The following PCDH11X variants were observed in gnomAD, a reference collection of about 807,000 sequenced individuals.
PCDH11X encodes protocadherin-11 X-linked.
In PCDH11X, 18 loss-of-function variants were observed where a neutral mutation model predicts 53.3. That is an observed-to-expected ratio of 0.34 (90% CI 0.23 to 0.50). The LOEUF (loss-of-function observed/expected upper bound fraction) is 0.50, where lower values mean the gene tolerates loss of function less well. PCDH11X is among the 20% of genes least tolerant of loss of function. The pLI, the probability that PCDH11X is intolerant of heterozygous loss-of-function variation, is 0.98. For synonymous variants in PCDH11X, 279 were observed against 393.3 expected, an observed-to-expected ratio of 0.71 and a Z score of 3.44; for missense variants, 570 against 1,032.4, an observed-to-expected ratio of 0.55 and a Z score of 6.14.
intron 10 of PCDH11X, among the ~76,000 whole-genome samples, chrX:92,607,404 A>G (rs1926934075): frequency 8.9e-6 from 1 of 111,771 alleles, no homozygotes; most frequent in Non-Finnish European, 1.9e-5. Flanking sequence ...CATTTCTATT[A>G]TATGTACAGT....
At chrX:91,945,723 G>T (rs1234512908) in intron 6 of PCDH11X, among the ~76,000 whole-genome samples, 1 of 108,893 alleles carries the variant, frequency 9.2e-6, no homozygotes, top group African/African-American at 3.3e-5. Flanking sequence ...TGCAAAGAAA[G>T]AATTATAGTA....
At chrX:92,357,735 G>C (rs1336760225) in intron 8 of PCDH11X, among the ~76,000 whole-genome samples, 1 of 110,934 alleles carries the variant, frequency 9.0e-6, no homozygotes, top group African/African-American at 3.3e-5. Flanking sequence ...TGTTATAGGA[G>C]GCTAAACAAA....
intron 6 of PCDH11X, among the ~76,000 whole-genome samples, chrX:92,040,082 CCTCTTTA>C (rs1312282318): frequency 2.8e-5 from 3 of 106,474 alleles, no homozygotes; most frequent in African/African-American, 1.0e-4. Flanking sequence ...AAGGCAAAGT[CCTCTTTA>C]CTCTTTGCTC....
intron 1 of PCDH11X, among the ~76,000 whole-genome samples, chrX:91,794,982 T>C (rs1161278801): frequency 9.2e-6 from 1 of 108,308 alleles, no homozygotes; most frequent in Non-Finnish European, 1.9e-5. Context: ...CTGCCATCTA[T>C]ATAAGATGTG....
At chrX:92,270,228 G>A (rs2067924852) in intron 8 of PCDH11X, among the ~76,000 whole-genome samples, 1 of 108,881 alleles carries the variant, frequency 9.2e-6, no homozygotes, top group Non-Finnish European at 1.9e-5. Context: ...CTTGCGTCAG[G>A]CTCCTGTTCC....
chrX:92,243,010 A>T (rs950501920), intron 7 of PCDH11X, among the ~76,000 whole-genome samples: 3 of 110,097 alleles, frequency 2.7e-5, no homozygotes, highest in South Asian at 7.6e-4. Context: ...TGTAGATATT[A>T]TTCCTTTTTT....
chrX:92,103,096 G>A (rs1418813884), intron 6 of PCDH11X, among the ~76,000 whole-genome samples: 10 of 110,374 alleles, frequency 9.1e-5, no homozygotes, highest in African/African-American at 3.3e-4. Context: ...GGGTTAAGGT[G>A]GGGGGATATG....
intron 7 of PCDH11X, among the ~76,000 whole-genome samples, chrX:92,257,764 C>G (rs1234758335): frequency 1.8e-5 from 2 of 112,699 alleles, no homozygotes; most frequent in Non-Finnish European, 3.7e-5. Flanking sequence ...TTGGGCGGAT[C>G]TGCCCCTGTG....
At chrX:91,921,782 T>C (rs1421535199) in intron 6 of PCDH11X, among the ~76,000 whole-genome samples, 1 of 108,992 alleles carries the variant, frequency 9.2e-6, no homozygotes, top group Non-Finnish European at 1.9e-5. Context: ...TGCTTGCTGG[T>C]TTTGTGTAAA....
At chrX:92,435,440 C>G (rs1319531901) in intron 9 of PCDH11X, among the ~76,000 whole-genome samples, 1 of 109,723 alleles carries the variant, frequency 9.1e-6, no homozygotes, top group Non-Finnish European at 1.9e-5. Flanking sequence ...TACAGAGAAC[C>G]CCTAAAAAAT....
chrX:92,329,361 G>A (rs1483838610), intron 8 of PCDH11X, among the ~76,000 whole-genome samples: 6 of 111,099 alleles, frequency 5.4e-5, no homozygotes, highest in African/African-American at 2.0e-4. Flanking sequence ...TTTTACTTAA[G>A]GATCAGGAAC....
chrX:92,560,666 C>T (rs774902543), intron 10 of PCDH11X, among the ~76,000 whole-genome samples: 26 of 109,944 alleles, frequency 2.4e-4, no homozygotes, highest in Admixed American at 6.8e-4. Context: ...CATGAACTGG[C>T]GGTGGTTATG....
chrX:92,303,009 C>T (rs1275628005), intron 8 of PCDH11X, among the ~76,000 whole-genome samples: 1 of 106,814 alleles, frequency 9.4e-6, no homozygotes, highest in African/African-American at 3.4e-5. Flanking sequence ...GAAACAAACT[C>T]GAAGCAGAAT....
intron 4 of PCDH11X, among the ~76,000 whole-genome samples, chrX:91,824,186 G>A (rs1263093199): frequency 9.0e-6 from 1 of 110,734 alleles, no homozygotes; most frequent in Non-Finnish European, 1.9e-5. Context: ...TATCTTTGTG[G>A]CGTTCTCTGT....
chrX:92,057,984 T>C lies in PCDH11X; in HGVS notation c.3034-143391T>C, dbSNP rs763661414. On this transcript the variant is annotated intron_variant, in intron 6 of 10. Transcript: ENST00000682573. ...CCTTTAATTTCTTCCCTTTCTATGT[T>C]GCTCTTCTCACTTTATTGTCCATCT... 8.9e-4 allele frequency among the ~76,000 whole-genome samples: 83 copies of C among 93,107 alleles called. 2 individuals carry two copies. The highest frequency in any genetic ancestry group is 4.1e-3 in the African/African-American group (80 of 19,618). The allele number at this position is 93,107 out of a possible 115,157, so 80.9% of individuals were successfully genotyped here.
At chrX:92,118,984 G>A (rs962857127) in intron 6 of PCDH11X, among the ~76,000 whole-genome samples, 12 of 109,670 alleles carry the variant, frequency 1.1e-4, no homozygotes, top group African/African-American at 2.0e-4. Flanking sequence ...CTCGTGATCC[G>A]CCCTCCTCAG....
intron 6 of PCDH11X, among the ~76,000 whole-genome samples, chrX:92,115,281 A>C (rs1332345979): frequency 9.0e-6 from 1 of 110,983 alleles, no homozygotes. Context: ...TGGGCATTCA[A>C]TAAATATGTG....
In PCDH11X at chrX:92,105,389, A is replaced by T. The variant is rs187921314; in HGVS notation, c.3034-95986A>T. On this transcript the variant is annotated intron_variant, in intron 6 of 10. Coordinates refer to ENST00000682573, the MANE Select transcript of PCDH11X (RefSeq NM_032968.5). ...GGAGCAAAAAGCAGGAGGACAGGGG[A>T]TTGATCTCCCAAGGGAGGTCCCTCG... is the stretch of plus-strand genomic sequence containing the variant. Among the ~76,000 whole-genome samples, 280 of 110,426 alleles carry T rather than the reference A, an allele frequency of 2.5e-3. 3 individuals are homozygous for T. Among genetic ancestry groups the T allele is most frequent in the African/African-American group, 9.0e-3 (272 of 30,303 alleles).
chrX:92,265,603 A>G (rs2067812720), intron 8 of PCDH11X, among the ~76,000 whole-genome samples: 1 of 111,906 alleles, frequency 8.9e-6, no homozygotes, highest in Non-Finnish European at 1.9e-5. Context: ...GTATATAGGT[A>G]TGCGTACATA....
Sources: gnomAD v4.1 joint callset for allele counts (sites outside exome capture counted in the v4.1 genomes callset) on GRCh38, gnomAD v4.1.1 for gene constraint, MANE v1.5 for transcripts, NCBI Gene and HGNC (gene_info 2026-07-23, HGNC 2026-07-21) for gene names.